The following ZNF483 variants were observed in gnomAD, a reference collection of about 807,000 sequenced individuals.
ZNF483 encodes the protein zinc finger protein 483, also known as zinc finger protein HIT-10.
A neutral mutation model predicts 28.6 loss-of-function variants in ZNF483; 9 were observed. The ratio of observed to expected loss-of-function variants is 0.32; its 90% CI spans 0.19 to 0.55. The LOEUF (loss-of-function observed/expected upper bound fraction) is 0.55, where lower values mean the gene tolerates loss of function less well. ZNF483 is among the 20% of genes least tolerant of loss of function. The probability of loss-of-function intolerance (pLI) is 0.93; values close to 1 mark genes in which losing one functional copy is unlikely to be tolerated. For synonymous variants in ZNF483, 322 were observed against 306.2 expected, an observed-to-expected ratio of 1.05 and a Z score of -0.54; for missense variants, 675 against 871.7, an observed-to-expected ratio of 0.77 and a Z score of 2.84.
At chr9:111,529,521 G>C (rs1023584700) in intron 2 of ZNF483, among the ~76,000 whole-genome samples, 2 of 152,152 alleles carry the variant, frequency 1.3e-5, no homozygotes, top group Non-Finnish European at 2.9e-5. Flanking sequence ...AGACTAACCT[G>C]GTGCTTTCAT....
chr9:111,562,078 G>T (rs147289089), intron 5 of ZNF483, among the ~76,000 whole-genome samples: 1 of 152,062 alleles, frequency 6.6e-6, no homozygotes, highest in Non-Finnish European at 1.5e-5. Flanking sequence ...TAGAGACAGG[G>T]TCTTGCCATG....
In ZNF483 at chr9:111,561,173, G is replaced by A. The variant is rs188349623; in HGVS notation, c.722-15192G>A. Among the ~76,000 whole-genome samples the A allele has an allele frequency of 3.2e-3, 387 of 120,750 alleles. 12 individuals carry two copies. Among genetic ancestry groups the A allele is most frequent in the East Asian group, 0.017 (43 of 2,524 alleles). 79.2% of individuals were successfully genotyped at this position (120,750 alleles called of 152,430 possible). ...GGAGAGAGAGAGAGAGAGAGAGAGA[G>A]AGAGAAAGAGAGAGAGATTCTTCCT... On this transcript the variant is annotated intron_variant, in intron 5 of 5. Coordinates refer to the ZNF483 transcript ENST00000358151.
chr9:111,532,287 C>T (rs184331803), intron 3 of ZNF483, among the ~76,000 whole-genome samples: 17 of 152,240 alleles, frequency 1.1e-4, no homozygotes, highest in South Asian at 2.1e-4. Flanking sequence ...GCTATGATTA[C>T]GCCACCGTAC....
rs531692479 is a variant in ZNF483 at position 111,544,390 on chromosome 9, A to G, written c.*1220A>G. ...TGTGTGTGTATACATTGTTGCCACT[A>G]TCTAAAATTAGGGCATTTCATACTA... On this transcript the variant is annotated 3_prime_UTR_variant, in exon 6 of 6. Transcript: ENST00000309235. 60 of 981,116 alleles carry G rather than the reference A, an allele frequency of 6.1e-5. No homozygotes were observed. The African/African-American group carries it at 9.5e-4, about 16-fold the overall frequency. 60.8% of individuals were successfully genotyped at this position (981,116 alleles called of 1,614,324 possible). A position where few individuals can be genotyped will look rare whatever the true frequency, so the allele number is the denominator to read the frequency against.
chr9:111,525,508 G>A (rs1178631782), intron 1 of ZNF483, among the ~76,000 whole-genome samples: 2 of 152,214 alleles, frequency 1.3e-5, no homozygotes, highest in African/African-American at 4.8e-5. Context: ...TGTTTGTGGT[G>A]TGGCGGTGAG....
Position 111,534,302 on chromosome 9 carries a change from T to G in ZNF483, c.670T>G (p.Trp224Gly), listed in dbSNP as rs763946709. Residue 224 changes from tryptophan to glycine, a missense_variant, in exon 5 of 6, where the codon TGG becomes GGG. By Grantham distance (184) the Trp-to-Gly change is radical. Transcript: ENST00000309235. ...ATTAGAGTTGATTTCCCAGCTAAAG[T>G]GGGTTGAATTGCCATGGCTGCTGGA... Reference protein sequence around the residue: ...SKLELISQLKWVELPWLLEEV... With the variant: ...SKLELISQLKGVELPWLLEEV... 7 of 1,614,094 alleles carry G rather than the reference T, an allele frequency of 4.3e-6. No individual in the cohort carries two copies. In the South Asian group the frequency reaches 6.6e-5, roughly 15 times the overall value.
intron 5 of ZNF483, among the ~76,000 whole-genome samples, chr9:111,561,490 C>G (rs917066344): frequency 6.6e-6 from 1 of 152,072 alleles, no homozygotes; most frequent in African/African-American, 2.4e-5. Flanking sequence ...GTCTCAAACT[C>G]CTGGACTCAA....
intron 5 of ZNF483, among the ~76,000 whole-genome samples, chr9:111,575,616 T>G (rs940858393): frequency 3.9e-5 from 6 of 152,252 alleles, no homozygotes; most frequent in Non-Finnish European, 5.9e-5. Flanking sequence ...TCAATTGGTT[T>G]TCTACAGAAG....
intron 3 of ZNF483, among the ~76,000 whole-genome samples, chr9:111,531,755 C>A (rs971320484): frequency 2.6e-5 from 4 of 152,186 alleles, no homozygotes; most frequent in Non-Finnish European, 5.9e-5. Flanking sequence ...AAGCATAGCT[C>A]ACTGCAACCT....
chr9:111,559,931 T>C (rs1828225788), downstream of ZNF483, among the ~76,000 whole-genome samples: 1 of 152,054 alleles, frequency 6.6e-6, no homozygotes, highest in African/African-American at 2.4e-5. Flanking sequence ...CTTTCCAGAG[T>C]TTTTGTACAG....
At chr9:111,537,422 A>G (rs1252294644) in intron 5 of ZNF483, among the ~76,000 whole-genome samples, 3 of 151,956 alleles carry the variant, frequency 2.0e-5, no homozygotes, top group Non-Finnish European at 2.9e-5. Flanking sequence ...GGGTTTAACC[A>G]TGTTGATCTC....
rs1186221360 is a variant in ZNF483, at chr9:111,554,808, G to C, written c.*11638G>C. On this transcript the variant is annotated 3_prime_UTR_variant, in exon 6 of 6. Transcript: ENST00000309235. ...CACGGAAAGTGAAACTTTGAATAAG[G>C]GGAGACCACTGTATTTTACCCAAGG... Among the ~76,000 whole-genome samples, 3 of 152,136 alleles carry C rather than the reference G, an allele frequency of 2.0e-5. No individual in the cohort carries two copies. Among genetic ancestry groups the C allele is most frequent in the Non-Finnish European group, 4.4e-5 (3 of 68,006 alleles).
Position 111,549,029 on chromosome 9 carries a change from A to C in ZNF483, c.*5859A>C, listed in dbSNP as rs975541500. Among the ~76,000 whole-genome samples the C allele has an allele frequency of 2.0e-5, 3 of 152,018 alleles. No individual in the cohort carries two copies. Among genetic ancestry groups the C allele is most frequent in the South Asian group, 2.1e-4 (1 of 4,802 alleles). On this transcript the variant is annotated 3_prime_UTR_variant, in exon 6 of 6. Coordinates refer to ENST00000309235, the MANE Select transcript of ZNF483 (RefSeq NM_133464.5). ...GGTGTCTCTGTGGGGTGAGGGTAGG[A>C]GTCAATTGCAGTGCTTGTTGCCATA...
intron 5 of ZNF483, chr9:111,562,850 T>C (rs1828372586): frequency 4.5e-6 from 4 of 885,506 alleles, no homozygotes; most frequent in Middle Eastern, 4.4e-4. Flanking sequence ...CATACAGTGT[T>C]TGGAAAATTT....
intron 5 of ZNF483, chr9:111,574,659 G>T: frequency 2.1e-6 from 2 of 931,784 alleles, no homozygotes; most frequent in South Asian, 1.7e-5. Flanking sequence ...CAGAGTCACT[G>T]GCCTATGGCA....
intron 5 of ZNF483, among the ~76,000 whole-genome samples, chr9:111,566,749 A>G (rs1377692624): frequency 6.6e-6 from 1 of 152,220 alleles, no homozygotes; most frequent in African/African-American, 2.4e-5. Context: ...ATACACCAGA[A>G]AGCAAAATGT....
chr9:111,560,960 TATATATATATATATAGAGAGAGAG>T (rs1213725409), intron 5 of ZNF483, among the ~76,000 whole-genome samples: 4 of 44,190 alleles, frequency 9.1e-5, no homozygotes, highest in East Asian at 1.2e-3. Context: ...TATATATATA[TATATATATATATATAGAGAGAGAG>T]AGAGAGAGAG....
Position 111,543,771 on chromosome 9 carries a change from T to A in ZNF483, c.*601T>A. 1.2e-6 allele frequency: 1 copy of A among 829,348 alleles called. No individual in the cohort carries two copies. Among genetic ancestry groups the A allele is most frequent in the Non-Finnish European group, 1.4e-6 (1 of 698,376 alleles). 51.4% of individuals were successfully genotyped at this position (829,348 alleles called of 1,614,324 possible). On this transcript the variant is annotated 3_prime_UTR_variant, in exon 6 of 6. Transcript: ENST00000309235. ...AGGATGCTGGACTTCTTTTCTTTTT[T>A]TTTTCTTTTTTTTTTTTCAATTTTT...
chr9:111,530,840 A>G (rs1827325676), intron 2 of ZNF483, 35 bp from the exon 3 acceptor site: 2 of 785,296 alleles, frequency 2.5e-6, no homozygotes, highest in Non-Finnish European at 3.7e-6. Flanking sequence ...AGGAATCTGT[A>G]TGAACGACTG....
Sources: allele counts gnomAD v4.1 joint callset (sites outside exome capture counted in the v4.1 genomes callset), GRCh38; gene constraint gnomAD v4.1.1; transcripts MANE v1.5; gene names NCBI Gene and HGNC (gene_info 2026-07-23, HGNC 2026-07-21).